The following ADD2 variants were observed in gnomAD, a reference collection of about 807,000 sequenced individuals.
ADD2 encodes the protein adducin 2.
ADD2 carries 23 observed loss-of-function variants against 83.0 expected under a neutral mutation model. The ratio of observed to expected loss-of-function variants is 0.28; its 90% CI spans 0.20 to 0.39. The LOEUF (loss-of-function observed/expected upper bound fraction) is 0.39, where lower values mean the gene tolerates loss of function less well. ADD2 is among the 10% of genes least tolerant of loss of function. The pLI is 1.00. For synonymous variants in ADD2, 375 were observed against 375.4 expected, an observed-to-expected ratio of 1.00 and a Z score of 0.01; for missense variants, 758 against 944.9, an observed-to-expected ratio of 0.80 and a Z score of 2.59.
At chr2:70,725,891 G>A (rs1019686267) in intron 1 of ADD2, among the ~76,000 whole-genome samples, 1 of 152,142 alleles carries the variant, frequency 6.6e-6, no homozygotes, top group African/African-American at 2.4e-5. Context: ...TGATGCCAGT[G>A]TTGCTGGTCC....
chr2:70,712,460 TAAAAA>T (rs782194928), intron 2 of ADD2, among the ~76,000 whole-genome samples: 28 of 81,818 alleles, frequency 3.4e-4, no homozygotes, highest in Non-Finnish European at 3.6e-4. Context: ...AATAAATAAA[TAAAAA>T]AAAAAAAAAA....
intron 2 of ADD2, among the ~76,000 whole-genome samples, chr2:70,709,096 C>T (rs1553375030): frequency 6.6e-6 from 1 of 152,140 alleles, no homozygotes; most frequent in African/African-American, 2.4e-5. Context: ...TTTCTTTTAA[C>T]AGGCAGTGGG....
chr2:70,683,484 G>C (rs1173008608), intron 10 of ADD2, 107 bp downstream of exon 10: 2 of 1,226,676 alleles, frequency 1.6e-6, no homozygotes, highest in Non-Finnish European at 2.3e-6. Flanking sequence ...CAACAACCTA[G>C]TTGTGATGCT....
intron 15 of ADD2, among the ~76,000 whole-genome samples, chr2:70,669,291 TC>T (rs1553366704): frequency 6.8e-6 from 1 of 147,564 alleles, no homozygotes. Flanking sequence ...AAATGCATCT[TC>T]TTTAGTGTTG....
chr2:70,725,130 T>C (rs1189505906), intron 1 of ADD2, among the ~76,000 whole-genome samples: 1 of 152,210 alleles, frequency 6.6e-6, no homozygotes, highest in Non-Finnish European at 1.5e-5. Flanking sequence ...TCCTCATCTG[T>C]AAAGCAGAGT....
intron 15 of ADD2, among the ~76,000 whole-genome samples, chr2:70,665,385 T>G (rs1433872446): frequency 6.6e-6 from 1 of 152,204 alleles, no homozygotes; most frequent in Non-Finnish European, 1.5e-5. Flanking sequence ...TCAAAGACTT[T>G]GGCCACTGCT....
chr2:70,674,624 C>T, intron 14 of ADD2, 54 bp downstream of exon 14: 2 of 1,572,582 alleles, frequency 1.3e-6, no homozygotes, highest in Middle Eastern at 1.8e-4. Flanking sequence ...GTCCTGAGCT[C>T]TCCCCTCCAC....
rs397828189 is a variant in ADD2 at position 70,692,743 on chromosome 2, A to AG, written c.556-192_556-191insC. On this transcript the variant is annotated intron_variant, in intron 6 of 15. Coordinates refer to ENST00000264436, the MANE Select transcript of ADD2 (RefSeq NM_001617.4). ...CTCAGTGAGTGCACAGTCTAACGGG[A>AG]CACAGACGATTATAATTCAGCAGGA... is the stretch of plus-strand genomic sequence containing the variant. 7.2e-5 allele frequency among the ~76,000 whole-genome samples: 5 copies of AG among 69,058 alleles called. 1 individual carries two copies. The highest frequency in any genetic ancestry group is 3.5e-4 in the African/African-American group (5 of 14,248). The allele number at this position is 69,058 out of a possible 152,430, so 45.3% of individuals were successfully genotyped here. A position where few individuals can be genotyped will look rare whatever the true frequency, so the allele number is the denominator to read the frequency against.
intron 1 of ADD2, among the ~76,000 whole-genome samples, chr2:70,738,223 T>C (rs1241054328): frequency 6.6e-6 from 1 of 152,206 alleles, no homozygotes. Context: ...CAGGATGCTG[T>C]CTGGCTAGTG....
In ADD2 at chr2:70,673,306, G is replaced by A. The variant is rs781870620; in HGVS notation, c.1742-300C>T. On this transcript the variant is annotated intron_variant, in intron 14 of 15. Transcript: ENST00000264436. ...TCGCACACGGCCGGACCAGAGCCTG[G>A]CTCTCGTTCCTGTCCTGTCTCTGAA... 9 of 1,614,088 alleles carry A rather than the reference G, an allele frequency of 5.6e-6. No individual in the cohort carries two copies. The South Asian group carries it at 8.8e-5, about 16-fold the overall frequency.
chr2:70,692,208 A>ATTCC (rs1294750891), intron 7 of ADD2, among the ~76,000 whole-genome samples, 195 bp downstream of exon 7: 2 of 152,234 alleles, frequency 1.3e-5, no homozygotes, highest in Non-Finnish European at 2.9e-5. Flanking sequence ...TGGAACAGAC[A>ATTCC]TTCCATGTCT....
chr2:70,740,847 G>A (rs924377264), intron 1 of ADD2, among the ~76,000 whole-genome samples: 34 of 152,140 alleles, frequency 2.2e-4, no homozygotes, highest in African/African-American at 8.2e-4. Context: ...GTACAGGCGT[G>A]TGCCACTATG....
intron 15 of ADD2, among the ~76,000 whole-genome samples, chr2:70,669,847 C>T (rs1669828778): frequency 6.6e-6 from 1 of 152,162 alleles, no homozygotes; most frequent in South Asian, 2.1e-4. Context: ...CCTGAGACCA[C>T]ATAGAGGGAG....
chr2:70,735,851 T>C (rs1252672338), intron 1 of ADD2, among the ~76,000 whole-genome samples: 5 of 135,094 alleles, frequency 3.7e-5, no homozygotes, highest in South Asian at 4.9e-4. Context: ...CCCGCAGCCA[T>C]GCCCGGCTTT....
In ADD2 at chr2:70,663,100, A is replaced by T; in HGVS notation, c.*325T>A. The T allele has an allele frequency of 3.9e-6, 1 of 254,696 alleles. No homozygotes were observed. Among genetic ancestry groups the T allele is most frequent in the East Asian group, 8.9e-5 (1 of 11,230 alleles). The allele number at this position is 254,696 out of a possible 1,614,324, so 15.8% of individuals were successfully genotyped here. A position where few individuals can be genotyped will look rare whatever the true frequency, so the allele number is the denominator to read the frequency against. ...TTTCTGGCCTTCTTGCCCTAGGCTC[A>T]GATTGGTGGACAGCATCCAAACAAA... On this transcript the variant is annotated 3_prime_UTR_variant, in exon 16 of 16. Transcript: ENST00000264436.
intron 4 of ADD2, among the ~76,000 whole-genome samples, chr2:70,697,675 G>A (rs114908158): frequency 2.2e-4 from 33 of 152,302 alleles, no homozygotes; most frequent in African/African-American, 7.5e-4. Flanking sequence ...GCTGCAGTAC[G>A]ATGTATATCC....
intron 1 of ADD2, among the ~76,000 whole-genome samples, chr2:70,761,591 G>GAA (rs78804683): frequency 1.5e-4 from 6 of 39,852 alleles, no homozygotes; most frequent in African/African-American, 3.4e-4. Flanking sequence ...CTGGGTGACA[G>GAA]AAAAAAAAAA....
In ADD2 at chr2:70,678,949, C is replaced by T; in HGVS notation, c.1138G>A (p.Gly380Ser). The change falls in exon 11 of 16, where the codon GGT becomes AGT. Residue 380 changes from glycine to serine, a missense_variant. This residue lies in a region of ADD2 where 394 missense variants were observed against 509.3 expected (regional missense o/e 0.77). Transcript: ENST00000264436. Reference protein sequence around the residue: ...RMLDNLGYRTGYTYRHPFVQE... With the variant: ...RMLDNLGYRTSYTYRHPFVQE... Reference sequence around the variant, plus strand: ...ACAAAGGGGTGGCGATACGTGTAACCTGTTCTGTAGCCCTATAAAGGACAA... The same window carrying T: ...ACAAAGGGGTGGCGATACGTGTAACTTGTTCTGTAGCCCTATAAAGGACAA... The T allele has an allele frequency of 6.2e-7, 1 of 1,612,188 alleles. No individual in the cohort carries two copies. Among genetic ancestry groups the T allele is most frequent in the Non-Finnish European group, 8.5e-7 (1 of 1,179,092 alleles).
chr2:70,761,958 C>T (rs367716093), intron 1 of ADD2, among the ~76,000 whole-genome samples: 10 of 151,594 alleles, frequency 6.6e-5, no homozygotes, highest in Non-Finnish European at 1.3e-4. Flanking sequence ...CGTGAGCCAC[C>T]GCGCCTGGCC....
Sources: allele counts gnomAD v4.1 joint callset (sites outside exome capture counted in the v4.1 genomes callset), GRCh38; gene constraint gnomAD v4.1.1; regional missense constraint gnomAD v4.1.1; transcripts MANE v1.5; gene names NCBI Gene and HGNC (gene_info 2026-07-23, HGNC 2026-07-21).